The following ATP2B2 variants were observed in gnomAD, a reference collection of about 807,000 sequenced individuals.
The protein encoded by ATP2B2 is ATPase plasma membrane Ca2+ transporting 2.
ATP2B2 carries 15 observed loss-of-function variants against 120.0 expected under a neutral mutation model. The ratio of observed to expected loss-of-function variants is 0.12; its 90% CI spans 0.08 to 0.19. The LOEUF (loss-of-function observed/expected upper bound fraction) is 0.19. Among genes scored for constraint, ATP2B2 ranks in the 10% least tolerant of loss-of-function variants. The pLI, the probability that ATP2B2 is intolerant of heterozygous loss-of-function variation, is 1.00. For missense variants in ATP2B2, 1,045 were observed against 1,719.8 expected (o/e 0.61, Z 6.94); for synonymous variants, 694 against 700.3 (o/e 0.99, Z 0.14).
chr3:10,449,716 T>G lies in ATP2B2; in HGVS notation c.-173A>C. On this transcript the variant is annotated 5_prime_UTR_variant, in exon 2 of 23. Transcript: ENST00000360273. ...GGTGGCCGAGGCGGGCTGGTGACAG[T>G]GGTGGTGAGCTCCAAGAGGTGTCCT... 1.3e-6 allele frequency: 1 copy of G among 745,284 alleles called. No homozygotes were observed. Among genetic ancestry groups the G allele is most frequent in the Non-Finnish European group, 2.3e-6 (1 of 429,092 alleles). 46.2% of individuals were successfully genotyped at this position (745,284 alleles called of 1,614,324 possible). A position where few individuals can be genotyped will look rare whatever the true frequency, so the allele number is the denominator to read the frequency against.
intron 2 of ATP2B2, among the ~76,000 whole-genome samples, chr3:10,592,445 C>T (rs2068665645): frequency 1.3e-5 from 2 of 152,260 alleles, no homozygotes; most frequent in African/African-American, 4.8e-5. Context: ...CACAGAGACT[C>T]TGCCCATCCC....
intron 5 of ATP2B2, among the ~76,000 whole-genome samples, chr3:10,394,883 C>T (rs2061983974): frequency 6.6e-6 from 1 of 152,052 alleles, no homozygotes; most frequent in Non-Finnish European, 1.5e-5. Context: ...GGCTCCAGCC[C>T]CTTCCACTGC....
chr3:10,480,407 G>C (rs1354778127), intron 1 of ATP2B2, among the ~76,000 whole-genome samples: 2 of 152,126 alleles, frequency 1.3e-5, no homozygotes, highest in African/African-American at 4.8e-5. Context: ...ACCCTCCTGG[G>C]GTATCTGGGC....
chr3:10,357,461 T>C (rs373349344), intron 14 of ATP2B2, among the ~76,000 whole-genome samples: 1 of 152,190 alleles, frequency 6.6e-6, no homozygotes, highest in Non-Finnish European at 1.5e-5. Flanking sequence ...TTCTTTGGAA[T>C]GCAGAATCTT....
At chr3:10,666,155 C>CACTA (rs2070926858) in intron 1 of ATP2B2, among the ~76,000 whole-genome samples, 1 of 152,180 alleles carries the variant, frequency 6.6e-6, no homozygotes, top group East Asian at 1.9e-4. Context: ...TCCCCAAATA[C>CACTA]ACTAACTCAG....
At chr3:10,698,052 G>A (rs1164337487) in intron 1 of ATP2B2, among the ~76,000 whole-genome samples, 1 of 152,210 alleles carries the variant, frequency 6.6e-6, no homozygotes, top group African/African-American at 2.4e-5. Context: ...GGCTGGCAGA[G>A]CCCTGACTGT....
At chr3:10,465,888 T>C (rs1226940817) in intron 1 of ATP2B2, among the ~76,000 whole-genome samples, 2 of 152,130 alleles carry the variant, frequency 1.3e-5, no homozygotes, top group Non-Finnish European at 2.9e-5. Flanking sequence ...ACTGAGTTGG[T>C]CCCTAACCAC....
intron 3 of ATP2B2, among the ~76,000 whole-genome samples, chr3:10,409,595 T>C (rs2062536855): frequency 6.6e-6 from 1 of 152,190 alleles, no homozygotes; most frequent in Admixed American, 6.5e-5. Context: ...CTTTAAACCC[T>C]CTATGGGAAG....
Position 10,402,166 on chromosome 3 carries a change from C to A in ATP2B2, c.580G>T (p.Val194Leu), listed in dbSNP as rs776369165. 3.1e-6 allele frequency: 5 copies of A among 1,614,208 alleles called. No homozygotes were observed. The Admixed American group carries it at 8.3e-5, about 27-fold the overall frequency. ...SRIEQEQKFT[V>L]VRAGQVVQIP... ...TGGACCACCTGGCCAGCCCGGACCA[C>A]GGTAAATTTCTGTTCCTGCTCGATG... The change falls in exon 4 of 23, where the codon GTG becomes TTG. Residue 194 changes from valine to leucine, a missense_variant. By Grantham distance (32) the Val-to-Leu change is conservative. This residue lies in a region of ATP2B2 where 30 missense variants were observed against 66.7 expected (regional missense o/e 0.45). Transcript: ENST00000360273. This position sits in a 1 kb window ranked among gnomAD's most constrained non-coding sequence, Gnocchi z 4.9.
rs534124673 is a variant in ATP2B2 at position 10,375,701 on chromosome 3, T to C, written c.1202-57A>G. 12 of 1,524,762 alleles carry C rather than the reference T, an allele frequency of 7.9e-6. No individual in the cohort carries two copies. The African/African-American group carries it at 8.2e-5, about 10-fold the overall frequency. 94.5% of individuals were successfully genotyped at this position (1,524,762 alleles called of 1,614,324 possible). On this transcript the variant is annotated intron_variant, in intron 10 of 22. Transcript: ENST00000360273. The surrounding 1 kb of genome is among the most constrained non-coding windows in gnomAD (Gnocchi z 4.2). ...TCCAGGAAGTGGAGGCTGGGGGTGG[T>C]GTGGACCAAATCTTTGGCTGAAAGA... is the stretch of plus-strand genomic sequence containing the variant.
At chr3:10,533,006 C>G (rs1014617) in intron 3 of ATP2B2, among the ~76,000 whole-genome samples, 5,843 of 152,214 alleles carry the variant, frequency 0.038, 137 homozygotes, top group East Asian at 0.072. Flanking sequence ...GCTCTGGCTC[C>G]GAGGACAAGC....
chr3:10,697,733 C>T (rs1454615027), intron 1 of ATP2B2, among the ~76,000 whole-genome samples: 1 of 152,212 alleles, frequency 6.6e-6, no homozygotes, highest in Non-Finnish European at 1.5e-5. Flanking sequence ...AAAGCCATTC[C>T]TATGCTCTCT....
At chr3:10,697,032 A>T (rs2071751606) in intron 1 of ATP2B2, among the ~76,000 whole-genome samples, 1 of 152,148 alleles carries the variant, frequency 6.6e-6, no homozygotes, top group Non-Finnish European at 1.5e-5. Context: ...CAGGGAAGGG[A>T]GTGTTTTCCC....
Position 10,328,614 on chromosome 3 carries a change from T to C in ATP2B2, c.*200A>G, listed in dbSNP as rs986716879. On this transcript the variant is annotated 3_prime_UTR_variant, in exon 23 of 23. Coordinates refer to ENST00000360273, the MANE Select transcript of ATP2B2 (RefSeq NM_001001331.4). ...CCAGTGGAGATCCCGCCCCTTGCCT[T>C]GAAGTGAAAAAGAGTTCAAACAGCA... is the stretch of plus-strand genomic sequence containing the variant. The C allele has an allele frequency of 1.6e-6, 1 of 625,066 alleles. No individual in the cohort carries two copies. Among genetic ancestry groups the C allele is most frequent in the Admixed American group, 3.1e-5 (1 of 32,718 alleles). 38.7% of individuals were successfully genotyped at this position (625,066 alleles called of 1,614,324 possible).
At chr3:10,670,584 AT>A (rs200149066) in intron 1 of ATP2B2, among the ~76,000 whole-genome samples, 10,563 of 151,988 alleles carry the variant, frequency 0.069, 509 homozygotes, top group South Asian at 0.14. Flanking sequence ...CACCTGGCTA[AT>A]TTTTTTGTAT....
At chr3:10,670,176 A>G (rs147690272) in intron 1 of ATP2B2, among the ~76,000 whole-genome samples, 21 of 152,352 alleles carry the variant, frequency 1.4e-4, no homozygotes, top group Middle Eastern at 3.4e-3. Flanking sequence ...TATGTATTCC[A>G]GCACGGTAAT....
At chr3:10,636,629 G>A (rs1015742961) in intron 1 of ATP2B2, among the ~76,000 whole-genome samples, 3 of 152,164 alleles carry the variant, frequency 2.0e-5, no homozygotes, top group Admixed American at 1.3e-4. Flanking sequence ...TTGTTTGCAC[G>A]ATGCTGGACA....
chr3:10,504,860 T>A (rs1241759456), intron 1 of ATP2B2, among the ~76,000 whole-genome samples: 1 of 152,000 alleles, frequency 6.6e-6, no homozygotes, highest in African/African-American at 2.4e-5. Context: ...CCTGCCACCC[T>A]CCTGGCCATG....
chr3:10,440,856 T>C (rs1238388302), intron 2 of ATP2B2, among the ~76,000 whole-genome samples: 1 of 152,232 alleles, frequency 6.6e-6, no homozygotes, highest in African/African-American at 2.4e-5. Flanking sequence ...GCTCTGAGCC[T>C]CAATTTCCTC....
Sources: gnomAD v4.1 joint callset for allele counts (sites outside exome capture counted in the v4.1 genomes callset) on GRCh38, gnomAD v4.1.1 for gene constraint, gnomAD v4.1.1 regional missense constraint, Gnocchi (gnomAD v3.1) non-coding constraint, MANE v1.5 for transcripts, NCBI Gene and HGNC (gene_info 2026-07-23, HGNC 2026-07-21) for gene names.